Variants in CRAMP1 observed in about 807,000 individuals in gnomAD.
CRAMP1 encodes protein cramped-like.
A neutral mutation model predicts 115.4 loss-of-function variants in CRAMP1; 50 were observed. That is an observed-to-expected ratio of 0.43 (90% confidence interval 0.35 to 0.55). The LOEUF is 0.55. CRAMP1 is among the 20% of genes least tolerant of loss of function. CRAMP1 has a pLI of 0.01. For missense variants in CRAMP1, 1,679 were observed against 1,721.7 expected (o/e 0.98, Z 0.44); for synonymous variants, 866 against 745.4 (o/e 1.16, Z -2.64).
chr16:1,650,608 ATAAG>A (rs771588728), intron 6 of CRAMP1, among the ~76,000 whole-genome samples: 3 of 152,238 alleles, frequency 2.0e-5, no homozygotes, highest in Admixed American at 6.5e-5. Flanking sequence ...GTGAATTTAC[ATAAG>A]TAAGTGTACA....
chr16:1,655,762 A>T (rs1037757343), intron 9 of CRAMP1, 115 bp from the exon 10 acceptor site: 4 of 1,220,532 alleles, frequency 3.3e-6, no homozygotes, highest in Non-Finnish European at 3.5e-6. Flanking sequence ...TGGTGGCATG[A>T]TTTATACCCT....
intron 1 of CRAMP1, among the ~76,000 whole-genome samples, chr16:1,613,254 C>G (rs952587282): frequency 1.4e-5 from 2 of 144,620 alleles, no homozygotes; most frequent in Non-Finnish European, 3.0e-5. Context: ...TTTTTTAAAA[C>G]TAGCATGAAC....
chr16:1,626,175 G>T lies in CRAMP1; in HGVS notation c.540+9G>T. ...TCGAGGGGCTGTACGAGGTGAGTAGGCTGTGGAGGCACGGCCAGGCAGCCT... is the reference window on the plus strand; with the variant it reads ...TCGAGGGGCTGTACGAGGTGAGTAGTCTGTGGAGGCACGGCCAGGCAGCCT... On this transcript the variant is annotated intron_variant, in intron 3 of 20. Transcript: ENST00000397412. The T allele has an allele frequency of 6.8e-7, 1 of 1,477,520 alleles. No individual in the cohort carries two copies. Among genetic ancestry groups the T allele is most frequent in the Non-Finnish European group, 9.0e-7 (1 of 1,107,422 alleles). The allele number at this position is 1,477,520 out of a possible 1,614,324, so 91.5% of individuals were successfully genotyped here. A position where few individuals can be genotyped will look rare whatever the true frequency, so the allele number is the denominator to read the frequency against.
intron 1 of CRAMP1, among the ~76,000 whole-genome samples, chr16:1,613,858 C>G (rs1167513969): frequency 1.3e-5 from 2 of 152,196 alleles, no homozygotes; most frequent in Non-Finnish European, 2.9e-5. Context: ...ACTAGTAAAT[C>G]CCCGCAGCAG....
At chr16:1,627,327 G>A (rs888645902) in intron 3 of CRAMP1, among the ~76,000 whole-genome samples, 2 of 152,120 alleles carry the variant, frequency 1.3e-5, no homozygotes, top group Non-Finnish European at 2.9e-5. Context: ...TTGTATTTTA[G>A]TTGAGACGGA....
chr16:1,635,611 TTTC>T (rs1410901604), intron 4 of CRAMP1, among the ~76,000 whole-genome samples: 1 of 152,228 alleles, frequency 6.6e-6, no homozygotes, highest in Non-Finnish European at 1.5e-5. Context: ...TTGGTGCTAC[TTTC>T]TTGTTTCTGG....
In CRAMP1 at chr16:1,625,969, C is replaced by T. The variant is rs1047502452; in HGVS notation, c.347-4C>T. 1.0e-5 allele frequency: 16 copies of T among 1,551,450 alleles called. No homozygotes were observed. The African/African-American group carries it at 2.2e-4, about 21-fold the overall frequency. ...AGATCACTGTACGGTGCTTTCTCTC[C>T]AAGGAGCTGAAGGTGGTGGATCATC... On this transcript the variant is annotated splice_polypyrimidine_tract_variant and splice_region_variant and intron_variant, in intron 2 of 20. Transcript: ENST00000397412.
chr16:1,644,493 A>G (rs1447543485), intron 6 of CRAMP1, among the ~76,000 whole-genome samples: 2 of 152,146 alleles, frequency 1.3e-5, no homozygotes, highest in Admixed American at 6.5e-5. Context: ...GTAGACATGT[A>G]CAGTAACTGG....
chr16:1,662,971 G>A (rs2036845908), intron 13 of CRAMP1, 136 bp downstream of exon 13: 3 of 642,152 alleles, frequency 4.7e-6, no homozygotes, highest in Non-Finnish European at 8.1e-6. Context: ...TGTGAGTAGG[G>A]TAAAAATACA....
At position 1,655,251 on chromosome 16, in the gene CRAMP1, G is replaced by A; in HGVS notation, c.1070G>A (p.Ser357Asn). 1.2e-6 allele frequency: 2 copies of A among 1,614,018 alleles called. No individual in the cohort carries two copies. Among genetic ancestry groups the A allele is most frequent in the Non-Finnish European group, 1.7e-6 (2 of 1,179,874 alleles). ...MIVELHRKVSSLIEFLKQKWA... is the reference protein window; with the variant it reads ...MIVELHRKVSNLIEFLKQKWA... Reference sequence around the variant, plus strand: ...GTGGAGCTACATCGAAAGGTCTCCAGCCTCATCGAATTCTTGAAGCAGAAG... The same window carrying A: ...GTGGAGCTACATCGAAAGGTCTCCAACCTCATCGAATTCTTGAAGCAGAAG... Residue 357 changes from serine (S) to asparagine (N), a missense_variant, in exon 9 of 21, where the codon AGC (serine) becomes AAC (asparagine). This residue lies in a region of CRAMP1 where 191 missense variants were observed against 236.2 expected (regional missense o/e 0.81). Transcript: ENST00000397412.
At chr16:1,642,856 C>T (rs752503606) in intron 6 of CRAMP1, among the ~76,000 whole-genome samples, 2 of 152,244 alleles carry the variant, frequency 1.3e-5, no homozygotes, top group Non-Finnish European at 2.9e-5. Context: ...GGACGGTGCA[C>T]AGAGTGGCCT....
In CRAMP1 at chr16:1,669,267, G is replaced by T; in HGVS notation, c.3499+102G>T. The T allele has an allele frequency of 1.1e-6, 1 of 912,236 alleles. No homozygotes were observed. Among genetic ancestry groups the T allele is most frequent in the African/African-American group, 1.7e-5 (1 of 58,088 alleles). The allele number at this position is 912,236 out of a possible 1,614,324, so 56.5% of individuals were successfully genotyped here. On this transcript the variant is annotated intron_variant, in intron 19 of 20. Transcript: ENST00000397412. The surrounding 1 kb of genome is among the most constrained non-coding windows in gnomAD (Gnocchi z 4.6). ...TTCTACTCAAACTCCCACTAGGACT[G>T]TTGGCTTGTTCGCTTCTCAAGTGTT...
chr16:1,622,980 C>T (rs763356869), intron 2 of CRAMP1, among the ~76,000 whole-genome samples: 1 of 151,942 alleles, frequency 6.6e-6, no homozygotes, highest in East Asian at 1.9e-4. Context: ...AGACTGATCT[C>T]GAATTCCTGA....
Position 1,614,626 on chromosome 16 carries a change from C to A in CRAMP1, c.-1-13C>A. On this transcript the variant is annotated splice_polypyrimidine_tract_variant and intron_variant, in intron 1 of 20. Transcript: ENST00000397412. The surrounding 1 kb of genome is among the most constrained non-coding windows in gnomAD (Gnocchi z 4.4). ...GCCCGCCTCACCGGCCGCCTCCCCT[C>A]TCCCGGCCGCAGGATGACAGTGAAG... The A allele has an allele frequency of 8.1e-7, 1 of 1,236,996 alleles. No homozygotes were observed. Among genetic ancestry groups the A allele is most frequent in the Non-Finnish European group, 1.0e-6 (1 of 985,654 alleles). The allele number at this position is 1,236,996 out of a possible 1,614,324, so 76.6% of individuals were successfully genotyped here.
In CRAMP1 at chr16:1,646,895, A is replaced by C. The variant is rs2036679857; in HGVS notation, c.828-5601A>C. 6 of 563,220 alleles carry C rather than the reference A, an allele frequency of 1.1e-5. No homozygotes were observed. The South Asian group carries it at 1.4e-4, about 13-fold the overall frequency. 34.9% of individuals were successfully genotyped at this position (563,220 alleles called of 1,614,324 possible). On this transcript the variant is annotated intron_variant, in intron 6 of 20. Transcript: ENST00000397412. The stretch of plus-strand genomic sequence containing the variant: ...GTGGGTGTCAAGCTGTGCCATCTGA[A>C]AGGACTGTCTCTCCTCCATTGAGTG...
chr16:1,645,091 TAGAGCAGTTTTA>T (rs1046353302), intron 6 of CRAMP1, among the ~76,000 whole-genome samples: 17 of 152,090 alleles, frequency 1.1e-4, no homozygotes, highest in African/African-American at 4.1e-4. Context: ...TTTTAGTTTT[TAGAGCAGTTTTA>T]AGTTGACAGA....
chr16:1,673,403 C>T (rs2036938947), intron 20 of CRAMP1, among the ~76,000 whole-genome samples: 3 of 152,256 alleles, frequency 2.0e-5, no homozygotes. Flanking sequence ...CCCCACCTGT[C>T]CTCATGTCTA....
rs771115810 is a variant in CRAMP1, at chr16:1,655,961, G to A, written c.1204G>A (p.Glu402Lys). The A allele has an allele frequency of 1.2e-5, 20 of 1,613,008 alleles. No homozygotes were observed. Among genetic ancestry groups the A allele is most frequent in the Non-Finnish European group, 1.5e-5 (18 of 1,179,892 alleles). The stretch of plus-strand genomic sequence containing the variant: ...GGTGACACTGCACTTGTTCCCAGGC[G>A]AGAACTGTACACTGACACCGCTGCC... ...EKVTLHLFPGENCTLTPLPGV... is the reference protein window; with the variant it reads ...EKVTLHLFPGKNCTLTPLPGV... The change falls in exon 10 of 21, where the codon GAG becomes AAG. Residue 402 changes from glutamate to lysine, a missense_variant. Around this residue, in one of 8 missense-constraint regions of CRAMP1, gnomAD observed 191 missense variants for 236.2 expected, o/e 0.81. Transcript: ENST00000397412.
At chr16:1,673,189 C>T (rs2036936518) in intron 20 of CRAMP1, among the ~76,000 whole-genome samples, 2 of 151,608 alleles carry the variant, frequency 1.3e-5, no homozygotes, top group Non-Finnish European at 2.9e-5. Flanking sequence ...CACCTGTCCT[C>T]ATGTCTATGA....
Sources: gnomAD v4.1 joint callset for allele counts (sites outside exome capture counted in the v4.1 genomes callset) on GRCh38, gnomAD v4.1.1 for gene constraint, gnomAD v4.1.1 regional missense constraint, Gnocchi (gnomAD v3.1) non-coding constraint, MANE v1.5 for transcripts, NCBI Gene and HGNC (gene_info 2026-07-23, HGNC 2026-07-21) for gene names.